Variants in NREP observed in about 807,000 individuals in gnomAD.
NREP encodes the protein neuronal regeneration-related protein.
A neutral mutation model predicts 8.6 loss-of-function variants in NREP; 5 were observed. That is an observed-to-expected ratio of 0.58 (90% CI 0.30 to 1.22). The LOEUF (loss-of-function observed/expected upper bound fraction) is 1.22, where lower values mean the gene tolerates loss of function less well. Among genes scored for constraint, NREP ranks in the 50% most tolerant of loss-of-function variants. The pLI is 0.07. For synonymous variants in NREP, 27 were observed against 28.0 expected (o/e 0.96, Z 0.11); for missense variants, 86 against 82.5 (o/e 1.04, Z -0.17).
At chr5:111,749,654 G>T (rs1750228513) in intron 2 of NREP, among the ~76,000 whole-genome samples, 1 of 152,148 alleles carries the variant, frequency 6.6e-6, no homozygotes, top group African/African-American at 2.4e-5. Context: ...GTACATGGGG[G>T]TGCAACTGAT....
intron 2 of NREP, among the ~76,000 whole-genome samples, chr5:111,772,378 T>C (rs977621466): frequency 2.0e-5 from 3 of 152,208 alleles, no homozygotes; most frequent in Non-Finnish European, 4.4e-5. Flanking sequence ...TTGTTCATCC[T>C]TGTTTCACTA....
At chr5:111,948,248 T>C (rs989256020) in intron 2 of NREP, among the ~76,000 whole-genome samples, 2 of 152,118 alleles carry the variant, frequency 1.3e-5, no homozygotes, top group Non-Finnish European at 2.9e-5. Context: ...TTCCACATTT[T>C]TGGACAGTTT....
intron 2 of NREP, among the ~76,000 whole-genome samples, chr5:111,939,487 T>C (rs1341027374): frequency 6.6e-6 from 1 of 152,034 alleles, no homozygotes; most frequent in Non-Finnish European, 1.5e-5. Context: ...GCCTACTCAC[T>C]TAAATTTATT....
intron 2 of NREP, among the ~76,000 whole-genome samples, chr5:111,813,073 A>G (rs1023968693): frequency 1.2e-4 from 18 of 152,136 alleles, no homozygotes; most frequent in African/African-American, 4.3e-4. Context: ...GTGTGTTCCA[A>G]TGCAGTAAGT....
intron 2 of NREP, among the ~76,000 whole-genome samples, chr5:111,918,939 C>G (rs957029144): frequency 2.0e-5 from 3 of 151,952 alleles, no homozygotes; most frequent in Middle Eastern, 3.2e-3. Flanking sequence ...TCAGAGTGAA[C>G]AGGCAACCTA....
intron 2 of NREP, among the ~76,000 whole-genome samples, chr5:111,875,365 A>C (rs887512317): frequency 6.6e-6 from 1 of 152,172 alleles, no homozygotes; most frequent in Non-Finnish European, 1.5e-5. Flanking sequence ...ATTAAAAAAA[A>C]CTAAAAACCT....
intron 2 of NREP, among the ~76,000 whole-genome samples, chr5:111,935,198 A>G (rs868226006): frequency 6.6e-6 from 1 of 152,048 alleles, no homozygotes; most frequent in African/African-American, 2.4e-5. Context: ...ATCACATGGG[A>G]GGGAGGTGAC....
intron 2 of NREP, among the ~76,000 whole-genome samples, chr5:111,851,069 C>T (rs892807907): frequency 6.6e-6 from 1 of 152,152 alleles, no homozygotes; most frequent in Non-Finnish European, 1.5e-5. Context: ...CCTACTGGGT[C>T]ATGACAATCT....
At position 111,870,001 on chromosome 5, in the gene NREP, A is replaced by G. The variant is rs985006038; in HGVS notation, c.135+105273T>C. On this transcript the variant is annotated intron_variant, in intron 2 of 3. Coordinates refer to the NREP transcript ENST00000395634. Reference sequence around the variant, plus strand: ...CAGCATAGATAGTGTTATATTGTGTATATGCCTCTTAAACTTCAACTCTCC... The same window carrying G: ...CAGCATAGATAGTGTTATATTGTGTGTATGCCTCTTAAACTTCAACTCTCC... 3.9e-5 allele frequency among the ~76,000 whole-genome samples: 6 copies of G among 152,196 alleles called. No individual in the cohort carries two copies. The South Asian group carries it at 1.0e-3, about 26-fold the overall frequency.
intron 2 of NREP, among the ~76,000 whole-genome samples, chr5:111,840,593 T>C (rs1753005649): frequency 1.3e-5 from 2 of 152,120 alleles, no homozygotes; most frequent in African/African-American, 2.4e-5. Context: ...CCCAAGGTCA[T>C]GCAACCTATA....
chr5:111,777,828 A>G (rs924266255), intron 2 of NREP, among the ~76,000 whole-genome samples: 14 of 152,084 alleles, frequency 9.2e-5, no homozygotes, highest in South Asian at 4.1e-4. Context: ...CCAGGTCCCA[A>G]TTGTATTCTC....
intron 2 of NREP, among the ~76,000 whole-genome samples, chr5:111,841,167 T>G (rs1753021977): frequency 6.6e-6 from 1 of 152,156 alleles, no homozygotes; most frequent in African/African-American, 2.4e-5. Flanking sequence ...CTACTGGGTA[T>G]CTGGAGCACA....
At chr5:111,899,237 C>G (rs906472786) in intron 2 of NREP, among the ~76,000 whole-genome samples, 4 of 152,032 alleles carry the variant, frequency 2.6e-5, no homozygotes, top group African/African-American at 9.7e-5. Context: ...CTCATACAAG[C>G]AAACAATAAA....
chr5:111,895,024 T>C (rs1247361736), intron 2 of NREP, among the ~76,000 whole-genome samples: 1 of 152,236 alleles, frequency 6.6e-6, no homozygotes, highest in African/African-American at 2.4e-5. Flanking sequence ...AGAATAGCTT[T>C]GGTTACCATG....
intron 2 of NREP, among the ~76,000 whole-genome samples, chr5:111,740,910 G>A (rs1749592775): frequency 6.6e-6 from 1 of 151,986 alleles, no homozygotes; most frequent in African/African-American, 2.4e-5. Context: ...ATTTCTTTGG[G>A]GAGACTGTTC....
chr5:111,800,108 TC>T (rs1357020063), intron 2 of NREP, among the ~76,000 whole-genome samples: 5 of 151,536 alleles, frequency 3.3e-5, no homozygotes, highest in Non-Finnish European at 5.9e-5. Context: ...TTTGTATTTT[TC>T]AGTAGAGACA....
intron 2 of NREP, among the ~76,000 whole-genome samples, chr5:111,882,234 T>C (rs1392620766): frequency 2.0e-5 from 3 of 151,994 alleles, no homozygotes; most frequent in Non-Finnish European, 4.4e-5. Context: ...GTATCAGTGA[T>C]GGAAGATGAA....
intron 2 of NREP, among the ~76,000 whole-genome samples, chr5:111,908,798 G>C (rs189429465): frequency 1.3e-5 from 2 of 151,938 alleles, no homozygotes; most frequent in South Asian, 4.2e-4. Flanking sequence ...ACCCACTAAC[G>C]GAATTGCTAG....
chr5:111,882,343 T>A (rs188567060), intron 2 of NREP, among the ~76,000 whole-genome samples: 55 of 152,282 alleles, frequency 3.6e-4, no homozygotes, highest in African/African-American at 1.2e-3. Context: ...AAAGACTGAA[T>A]CTACGTCTGA....
Sources: gnomAD v4.1 joint callset for allele counts (sites outside exome capture counted in the v4.1 genomes callset) on GRCh38, gnomAD v4.1.1 for gene constraint, MANE v1.5 for transcripts, NCBI Gene and HGNC (gene_info 2026-07-23, HGNC 2026-07-21) for gene names.